IL1RAPL2: variants seen among roughly 807,000 people sequenced by gnomAD.
IL1RAPL2 encodes X-linked interleukin-1 receptor accessory protein-like 2.
IL1RAPL2 carries 3 observed loss-of-function variants against 44.1 expected under a neutral mutation model. The observed-to-expected ratio is 0.07, with a 90% CI of 0.03 to 0.18. The LOEUF is 0.18. Ranked by LOEUF, IL1RAPL2 falls within the 10% of genes least tolerant of loss-of-function variation. The pLI is 1.00. For synonymous variants in IL1RAPL2, 181 were observed against 178.8 expected, an observed-to-expected ratio of 1.01 and a Z score of -0.10; for missense variants, 391 against 496.4, an observed-to-expected ratio of 0.79 and a Z score of 2.02.
chrX:104,895,098 G>A (rs752392145), intron 2 of IL1RAPL2, among the ~76,000 whole-genome samples: 13 of 112,360 alleles, frequency 1.2e-4, no homozygotes, highest in South Asian at 3.7e-4. Context: ...CTGCAGAACA[G>A]CGAATATTGC....
intron 6 of IL1RAPL2, among the ~76,000 whole-genome samples, chrX:105,552,941 G>A (rs1208079160): frequency 1.8e-5 from 2 of 111,831 alleles, no homozygotes; most frequent in Non-Finnish European, 3.8e-5. Context: ...ACTCTAATAA[G>A]TTTTATTTTC....
intron 5 of IL1RAPL2, among the ~76,000 whole-genome samples, chrX:105,268,623 G>T (rs906069881): frequency 3.7e-5 from 4 of 108,363 alleles, no homozygotes; most frequent in African/African-American, 1.0e-4. Context: ...AAAAAAATTA[G>T]CCAGGCGTGG....
chrX:104,899,944 A>G (rs1026016953), intron 2 of IL1RAPL2, among the ~76,000 whole-genome samples: 7 of 112,580 alleles, frequency 6.2e-5, no homozygotes, highest in Non-Finnish European at 1.3e-4. Context: ...AGAGATGAGA[A>G]GTGTGAGAAA....
chrX:105,639,820 CA>C (rs1012078114), intron 6 of IL1RAPL2, among the ~76,000 whole-genome samples: 11 of 110,925 alleles, frequency 9.9e-5, no homozygotes, highest in African/African-American at 3.3e-4. Flanking sequence ...CACATTCACA[CA>C]AAAAAGCCAA....
chrX:105,017,838 C>A (rs774954898), intron 2 of IL1RAPL2, among the ~76,000 whole-genome samples: 1 of 109,565 alleles, frequency 9.1e-6, no homozygotes, highest in Non-Finnish European at 1.9e-5. Flanking sequence ...AGACTGTTTA[C>A]GGTAGGAAGT....
rs187853187 is a variant in IL1RAPL2, at chrX:105,710,104, A to T, written c.773-7263A>T. Among the ~76,000 whole-genome samples, 243 of 111,555 alleles carry T rather than the reference A, an allele frequency of 2.2e-3. 3 individuals carry two copies. The highest frequency in any genetic ancestry group is 7.6e-3 in the African/African-American group (235 of 30,754). On this transcript the variant is annotated intron_variant, in intron 6 of 10. Coordinates refer to ENST00000372582, the MANE Select transcript of IL1RAPL2 (RefSeq NM_017416.2). ...GTGCTACTTCCCTCTAGCACAGGCAAATAACTATGAACATATTCCCCACCA... is the reference window on the plus strand; with the variant it reads ...GTGCTACTTCCCTCTAGCACAGGCATATAACTATGAACATATTCCCCACCA...
chrX:105,434,659 G>C (rs1187287705), intron 5 of IL1RAPL2, among the ~76,000 whole-genome samples: 1 of 111,964 alleles, frequency 8.9e-6, no homozygotes, highest in African/African-American at 3.2e-5. Flanking sequence ...ACATTCTGTA[G>C]GTTGCCTGTT....
At chrX:104,860,955 C>T (rs1922475917) in intron 2 of IL1RAPL2, among the ~76,000 whole-genome samples, 2 of 111,263 alleles carry the variant, frequency 1.8e-5, no homozygotes, top group Admixed American at 1.9e-4. Context: ...CTTTTCTTTA[C>T]CCCTCCTTTG....
intron 5 of IL1RAPL2, among the ~76,000 whole-genome samples, chrX:105,313,576 C>T (rs2147682756): frequency 9.0e-6 from 1 of 111,489 alleles, no homozygotes; most frequent in South Asian, 3.8e-4. Context: ...CACTTTGTGC[C>T]CCCCTCCATT....
rs776202836 is a variant in IL1RAPL2, at chrX:104,928,345, C to A, written c.83-267130C>A. Among the ~76,000 whole-genome samples, 6 of 111,365 alleles carry A rather than the reference C, an allele frequency of 5.4e-5. No individual in the cohort carries two copies. The Admixed American group carries it at 5.7e-4, about 11-fold the overall frequency. On this transcript the variant is annotated intron_variant, in intron 2 of 10. Transcript: ENST00000372582. ...CTTATTCCGGTTCCTTGAGAATTTG[C>A]CACCGAGTGTCTTATCAGTCCCTCA...
chrX:105,261,543 G>T (rs184848043), intron 4 of IL1RAPL2, among the ~76,000 whole-genome samples: 2 of 110,864 alleles, frequency 1.8e-5, no homozygotes, highest in African/African-American at 6.6e-5. Flanking sequence ...GTAATTTTTC[G>T]TTGAAACCCA....
chrX:105,097,917 G>A (rs967988178), intron 2 of IL1RAPL2, among the ~76,000 whole-genome samples: 5 of 111,264 alleles, frequency 4.5e-5, no homozygotes, highest in Admixed American at 2.9e-4. Context: ...TCTCCTAGTC[G>A]GGTCTATCTT....
intron 6 of IL1RAPL2, among the ~76,000 whole-genome samples, chrX:105,707,601 T>C (rs1246657378): frequency 9.0e-6 from 1 of 111,346 alleles, no homozygotes; most frequent in African/African-American, 3.3e-5. Context: ...GGCTCTAGAG[T>C]CTAGCTGTCT....
Position 104,701,605 on chromosome X carries a change from A to G in IL1RAPL2, c.82+42610A>G, listed in dbSNP as rs563003276. ...TCAAGTAAACTATGCATGTTAAAAA[A>G]TATTTAGTGATATGTATTCATGATG... On this transcript the variant is annotated intron_variant, in intron 2 of 10. Coordinates refer to ENST00000372582, the MANE Select transcript of IL1RAPL2 (RefSeq NM_017416.2). Among the ~76,000 whole-genome samples, 10 of 112,268 alleles carry G rather than the reference A, an allele frequency of 8.9e-5. No homozygotes were observed. In the South Asian group the frequency reaches 3.7e-3, roughly 42 times the overall value.
In IL1RAPL2 at chrX:105,767,346, G is replaced by C. The variant is rs796713371; in HGVS notation, c.1746G>C (p.Gln582His). 1.7e-6 allele frequency: 2 copies of C among 1,211,903 alleles called. No individual in the cohort carries two copies. The highest frequency in any genetic ancestry group is 2.2e-6 in the Non-Finnish European group (2 of 895,466). Residue 582 changes from glutamine to histidine, a missense_variant, in exon 11 of 11, where the codon CAG (glutamine) becomes CAC (histidine). Coordinates refer to ENST00000372582, the MANE Select transcript of IL1RAPL2 (RefSeq NM_017416.2). ...SAEQGLFGEL[Q>H]PIPSIAMTST... is the part of the protein sequence containing the mutation. ...AACAAGGACTTTTTGGAGAACTCCA[G>C]CCTATACCCTCTATTGCCATGACCA...
intron 2 of IL1RAPL2, among the ~76,000 whole-genome samples, chrX:104,834,267 G>A (rs1921684463): frequency 8.9e-6 from 1 of 111,902 alleles, no homozygotes; most frequent in African/African-American, 3.2e-5. Context: ...ACTTACTTCT[G>A]TAAAATTTTT....
At chrX:105,070,491 C>A (rs771851533) in intron 2 of IL1RAPL2, among the ~76,000 whole-genome samples, 1 of 110,194 alleles carries the variant, frequency 9.1e-6, no homozygotes, top group East Asian at 2.9e-4. Context: ...GTTAGGGGTT[C>A]AAGACCAGCC....
At chrX:105,559,606 T>C in intron 6 of IL1RAPL2, among the ~76,000 whole-genome samples, 1 of 112,089 alleles carries the variant, frequency 8.9e-6, no homozygotes, top group Admixed American at 9.5e-5. Context: ...AGTATTCTTA[T>C]ATTCATCTAC....
intron 5 of IL1RAPL2, among the ~76,000 whole-genome samples, chrX:105,467,917 C>T (rs1044186161): frequency 1.8e-5 from 2 of 111,775 alleles, no homozygotes; most frequent in African/African-American, 6.5e-5. Flanking sequence ...TTCTACTCTC[C>T]ATTCCAGATC....
Sources: gnomAD v4.1 joint callset for allele counts (sites outside exome capture counted in the v4.1 genomes callset) on GRCh38, gnomAD v4.1.1 for gene constraint, MANE v1.5 for transcripts, NCBI Gene and HGNC (gene_info 2026-07-23, HGNC 2026-07-21) for gene names.